The following PPP2R2B variants were observed in gnomAD, a reference collection of about 807,000 sequenced individuals.
PPP2R2B encodes serine/threonine-protein phosphatase 2A 55 kDa regulatory subunit B beta isoform.
Under a neutral mutation model 46.0 loss-of-function variants are expected in PPP2R2B, and 5 were observed. The ratio of observed to expected loss-of-function variants is 0.11; its 90% CI spans 0.06 to 0.23. The LOEUF (loss-of-function observed/expected upper bound fraction) is 0.23, where lower values mean the gene tolerates loss of function less well. PPP2R2B is among the 10% of genes least tolerant of loss of function. The pLI is 1.00. For synonymous variants in PPP2R2B, 215 were observed against 206.7 expected (o/e 1.04, Z -0.34); for missense variants, 367 against 575.0 (o/e 0.64, Z 3.70).
rs1770031394 is a variant in PPP2R2B, at chr5:146,584,275, C to A, written c.*5672G>T. 6.6e-6 allele frequency: 1 copy of A among 152,222 alleles called. No individual in the cohort carries two copies. The highest frequency in any genetic ancestry group is 2.4e-5 in the African/African-American group (1 of 41,450). 9.4% of individuals were successfully genotyped at this position (152,222 alleles called of 1,614,324 possible). Reference sequence around the variant, plus strand: ...GTTTAACCAATGGGGCATGGAATATCTAAATTGGGGGACAGTTAATCAGTC... The same window carrying A: ...GTTTAACCAATGGGGCATGGAATATATAAATTGGGGGACAGTTAATCAGTC... On this transcript the variant is annotated 3_prime_UTR_variant, in exon 10 of 10. Transcript: ENST00000394411.
upstream of PPP2R2B, among the ~76,000 whole-genome samples, chr5:146,879,412 A>T (rs1488551010): frequency 6.6e-6 from 1 of 152,196 alleles, no homozygotes; most frequent in Non-Finnish European, 1.5e-5. Flanking sequence ...AGTCTGAAAA[A>T]GTCCACTCTC....
At position 146,589,881 on chromosome 5, in the gene PPP2R2B, G is replaced by T. The variant is rs1770427326; in HGVS notation, c.*66C>A. 1 of 1,478,372 alleles carries T rather than the reference G, an allele frequency of 6.8e-7. No individual in the cohort carries two copies. The highest frequency in any genetic ancestry group is 9.3e-7 in the Non-Finnish European group (1 of 1,075,456). The allele number at this position is 1,478,372 out of a possible 1,614,324, so 91.6% of individuals were successfully genotyped here. A position where few individuals can be genotyped will look rare whatever the true frequency, so the allele number is the denominator to read the frequency against. On this transcript the variant is annotated 3_prime_UTR_variant, in exon 10 of 10. Transcript: ENST00000394411. ...TCAATGCATCAAATGAAGACCCAAA[G>T]AAACATTTAAAAACTTGTTTGACTA...
chr5:146,802,284 A>G lies in PPP2R2B; in HGVS notation c.70+75718T>C, dbSNP rs894166872. Among the ~76,000 whole-genome samples, 9 of 152,292 alleles carry G rather than the reference A, an allele frequency of 5.9e-5. No homozygotes were observed. The South Asian group carries it at 8.3e-4, about 14-fold the overall frequency. Reference sequence around the variant, plus strand: ...TTCCATTGGAAATGTCTAGGTCAGTACCTAACATCTGGCATAGCTATCTCC... The same window carrying G: ...TTCCATTGGAAATGTCTAGGTCAGTGCCTAACATCTGGCATAGCTATCTCC... On this transcript the variant is annotated intron_variant, in intron 2 of 9. Coordinates refer to ENST00000394411, the MANE Select transcript of PPP2R2B (RefSeq NM_181675.4).
At chr5:146,621,808 T>G (rs1315515918) in intron 7 of PPP2R2B, among the ~76,000 whole-genome samples, 1 of 152,200 alleles carries the variant, frequency 6.6e-6, no homozygotes, top group Non-Finnish European at 1.5e-5. Flanking sequence ...CTGTAGACAA[T>G]AAAGGCTTTA....
At chr5:146,671,004 A>T (rs945339389) in intron 5 of PPP2R2B, among the ~76,000 whole-genome samples, 23 of 152,182 alleles carry the variant, frequency 1.5e-4, no homozygotes, top group Admixed American at 7.2e-4. Context: ...TTCTCAGTTT[A>T]AAAAAATCAA....
intron 6 of PPP2R2B, among the ~76,000 whole-genome samples, chr5:146,641,053 T>C (rs1182030066): frequency 1.3e-5 from 2 of 152,168 alleles, no homozygotes; most frequent in Non-Finnish European, 2.9e-5. Context: ...TTTTAATCAC[T>C]GGGATGATGA....
intron 2 of PPP2R2B, among the ~76,000 whole-genome samples, chr5:146,808,565 C>G (rs1757332213): frequency 6.6e-6 from 1 of 152,168 alleles, no homozygotes; most frequent in South Asian, 2.1e-4. Context: ...AGCCAACAAA[C>G]TGGGAGTCCT....
intron 1 of PPP2R2B, among the ~76,000 whole-genome samples, chr5:147,028,292 G>A (rs1413412652): frequency 6.6e-6 from 1 of 152,050 alleles, no homozygotes; most frequent in Non-Finnish European, 1.5e-5. Flanking sequence ...TTTAGCCCCT[G>A]ATTACTGCAC....
intron 2 of PPP2R2B, among the ~76,000 whole-genome samples, chr5:146,728,138 CTTTTTT>C (rs757396751): frequency 8.5e-5 from 7 of 82,504 alleles, no homozygotes; most frequent in Non-Finnish European, 1.2e-4. Flanking sequence ...GAAACACTTA[CTTTTTT>C]TTTTTTTTTT....
chr5:147,035,380 T>A (rs2151893843), intron 1 of PPP2R2B: 1 of 266,100 alleles, frequency 3.8e-6, no homozygotes. Flanking sequence ...CTCCCCCGAG[T>A]TCCCTTCTTC....
At chr5:147,001,177 A>G (rs905231791) in intron 1 of PPP2R2B, among the ~76,000 whole-genome samples, 4 of 152,172 alleles carry the variant, frequency 2.6e-5, no homozygotes, top group African/African-American at 9.7e-5. Flanking sequence ...GGGCCAAATA[A>G]GGGAATAAAA....
intron 2 of PPP2R2B, among the ~76,000 whole-genome samples, chr5:146,715,964 A>G (rs1412690664): frequency 1.3e-5 from 2 of 152,154 alleles, no homozygotes; most frequent in Non-Finnish European, 2.9e-5. Flanking sequence ...CAGACTCTCA[A>G]AGCAAATACA....
intron 1 of PPP2R2B, among the ~76,000 whole-genome samples, chr5:146,996,128 A>G (rs2151865698): frequency 6.6e-6 from 1 of 152,310 alleles, no homozygotes; most frequent in South Asian, 2.1e-4. Flanking sequence ...TGTGCTCAGA[A>G]GCATATTCTC....
chr5:146,860,582 G>C (rs1760929125), intron 2 of PPP2R2B, among the ~76,000 whole-genome samples: 1 of 152,124 alleles, frequency 6.6e-6, no homozygotes, highest in Non-Finnish European at 1.5e-5. Flanking sequence ...CCCATATGCA[G>C]ACCTCTCCAG....
chr5:146,774,860 T>G (rs554769255), intron 2 of PPP2R2B, among the ~76,000 whole-genome samples: 1 of 149,974 alleles, frequency 6.7e-6, no homozygotes, highest in South Asian at 2.1e-4. Flanking sequence ...TATGAATAAC[T>G]GTATGCCAAC....
intron 8 of PPP2R2B, among the ~76,000 whole-genome samples, chr5:146,597,517 C>G (rs551970114): frequency 6.6e-6 from 1 of 152,298 alleles, no homozygotes; most frequent in Admixed American, 6.5e-5. Flanking sequence ...CTTTCTTGCT[C>G]TCTCTTTCCA....
chr5:146,993,321 C>A (rs1215033466), intron 1 of PPP2R2B, among the ~76,000 whole-genome samples: 1 of 152,102 alleles, frequency 6.6e-6, no homozygotes, highest in Non-Finnish European at 1.5e-5. Context: ...TGGCTCACTG[C>A]AGCCTCTGCC....
chr5:146,657,872 T>C (rs1348064370), intron 5 of PPP2R2B, among the ~76,000 whole-genome samples: 1 of 152,112 alleles, frequency 6.6e-6, no homozygotes, highest in African/African-American at 2.4e-5. Context: ...CTCCAAATAA[T>C]TGAGATTACA....
intron 2 of PPP2R2B, among the ~76,000 whole-genome samples, chr5:146,863,792 C>G (rs1290730482): frequency 6.6e-6 from 1 of 151,972 alleles, no homozygotes; most frequent in Non-Finnish European, 1.5e-5. Flanking sequence ...TTCAATAACC[C>G]AAGACACTTC....
Sources: allele counts gnomAD v4.1 joint callset (sites outside exome capture counted in the v4.1 genomes callset), GRCh38; gene constraint gnomAD v4.1.1; transcripts MANE v1.5; gene names NCBI Gene and HGNC (gene_info 2026-07-23, HGNC 2026-07-21).